The following FAM135B variants were observed in gnomAD, a reference collection of about 807,000 sequenced individuals.
FAM135B encodes the protein protein FAM135B.
FAM135B carries 43 observed loss-of-function variants against 127.7 expected under a neutral mutation model. The ratio of observed to expected loss-of-function variants is 0.34; its 90% CI spans 0.26 to 0.43. The LOEUF (loss-of-function observed/expected upper bound fraction) is 0.43, where lower values mean the gene tolerates loss of function less well. FAM135B is among the 20% of genes least tolerant of loss of function. The pLI is 1.00. For synonymous variants in FAM135B, 670 were observed against 665.1 expected, an observed-to-expected ratio of 1.01 and a Z score of -0.11; for missense variants, 1,558 against 1,725.6, an observed-to-expected ratio of 0.90 and a Z score of 1.72.
intron 15 of FAM135B, among the ~76,000 whole-genome samples, chr8:138,144,058 T>A (rs1817445104): frequency 6.6e-6 from 1 of 152,224 alleles, no homozygotes; most frequent in South Asian, 2.1e-4. Flanking sequence ...TTGCTTCCCA[T>A]CTAAACCTCA....
intron 7 of FAM135B, 45 bp from the exon 8 acceptor site, chr8:138,197,714 G>C (rs2131142374): frequency 6.3e-7 from 1 of 1,599,732 alleles, no homozygotes; most frequent in Non-Finnish European, 8.6e-7. Context: ...ATTGCACCTG[G>C]CCCAGGCAGC....
intron 3 of FAM135B, among the ~76,000 whole-genome samples, chr8:138,291,003 C>T (rs1374664124): frequency 6.6e-6 from 1 of 152,086 alleles, no homozygotes; most frequent in East Asian, 1.9e-4. Flanking sequence ...AGATGAGTGA[C>T]CAGGAGGCTC....
intron 1 of FAM135B, among the ~76,000 whole-genome samples, chr8:138,448,158 T>C (rs1228167890): frequency 6.6e-6 from 1 of 151,860 alleles, no homozygotes; most frequent in African/African-American, 2.4e-5. Flanking sequence ...TCAGAATTGT[T>C]TGGGGAAGGT....
At chr8:138,280,283 C>G (rs529398649) in intron 3 of FAM135B, among the ~76,000 whole-genome samples, 1 of 152,160 alleles carries the variant, frequency 6.6e-6, no homozygotes, top group East Asian at 1.9e-4. Flanking sequence ...AGGCTTAGCC[C>G]GTTGGCTCTA....
At chr8:138,168,616 C>T (rs998474534) in intron 11 of FAM135B, among the ~76,000 whole-genome samples, 1 of 152,082 alleles carries the variant, frequency 6.6e-6, no homozygotes, top group South Asian at 2.1e-4. Flanking sequence ...AAAAATGTCC[C>T]ATATTCTTTC....
At chr8:138,475,994 C>G (rs1814410101) in intron 1 of FAM135B, among the ~76,000 whole-genome samples, 1 of 152,058 alleles carries the variant, frequency 6.6e-6, no homozygotes, top group Admixed American at 6.5e-5. Flanking sequence ...GATAAATAAA[C>G]TATGGTACGT....
chr8:138,304,776 G>A (rs1395369867), intron 3 of FAM135B, among the ~76,000 whole-genome samples: 1 of 152,224 alleles, frequency 6.6e-6, no homozygotes, highest in African/African-American at 2.4e-5. Flanking sequence ...AGGAAGTGGG[G>A]TGGTCACCCA....
intron 7 of FAM135B, among the ~76,000 whole-genome samples, chr8:138,200,416 C>A (rs553984747): frequency 6.6e-6 from 1 of 152,262 alleles, no homozygotes; most frequent in Non-Finnish European, 1.5e-5. Context: ...CAGCACGGAG[C>A]ACATCAGACC....
chr8:138,317,110 C>T (rs1216096499), intron 2 of FAM135B, among the ~76,000 whole-genome samples: 4 of 152,072 alleles, frequency 2.6e-5, no homozygotes, highest in Non-Finnish European at 5.9e-5. Context: ...GCTTTATCCA[C>T]AATACTAAAA....
intron 2 of FAM135B, among the ~76,000 whole-genome samples, chr8:138,343,497 G>A (rs1260648016): frequency 6.6e-6 from 1 of 152,186 alleles, no homozygotes; most frequent in African/African-American, 2.4e-5. Flanking sequence ...ATGGATGGCT[G>A]AACTGAAGCT....
intron 4 of FAM135B, among the ~76,000 whole-genome samples, chr8:138,258,256 G>C (rs888761209): frequency 6.6e-6 from 1 of 151,988 alleles, no homozygotes; most frequent in Non-Finnish European, 1.5e-5. Context: ...CATCTTCCTG[G>C]GATGGAAATC....
chr8:138,182,682 G>C (rs1319539452), intron 9 of FAM135B, among the ~76,000 whole-genome samples: 1 of 152,220 alleles, frequency 6.6e-6, no homozygotes, highest in Non-Finnish European at 1.5e-5. Context: ...AAAGGTCATG[G>C]AAGGCTTCCT....
At chr8:138,348,576 C>G (rs1375867140) in intron 2 of FAM135B, among the ~76,000 whole-genome samples, 5 of 152,210 alleles carry the variant, frequency 3.3e-5, no homozygotes, top group Non-Finnish European at 5.9e-5. Flanking sequence ...TTCCTAGACT[C>G]CCAACTATAT....
At chr8:138,316,810 C>G (rs1467486727) in intron 2 of FAM135B, among the ~76,000 whole-genome samples, 2 of 151,950 alleles carry the variant, frequency 1.3e-5, no homozygotes, top group Non-Finnish European at 2.9e-5. Context: ...GAAACCCCGT[C>G]TCTACTAAAA....
chr8:138,245,712 A>G (rs1268156621), intron 6 of FAM135B, among the ~76,000 whole-genome samples: 16 of 152,202 alleles, frequency 1.1e-4, no homozygotes, highest in African/African-American at 3.4e-4. Context: ...GGGTGTTGCT[A>G]TAAGGACACC....
chr8:138,314,090 G>A (rs1826895967), intron 2 of FAM135B, among the ~76,000 whole-genome samples: 1 of 152,140 alleles, frequency 6.6e-6, no homozygotes, highest in Non-Finnish European at 1.5e-5. Context: ...ATGCTGTGAT[G>A]TGCCCCATGG....
intron 3 of FAM135B, among the ~76,000 whole-genome samples, chr8:138,284,777 T>C (rs1258497779): frequency 6.6e-6 from 1 of 152,026 alleles, no homozygotes; most frequent in Non-Finnish European, 1.5e-5. Flanking sequence ...TAGTGGTGTG[T>C]CTGTGCAACT....
chr8:138,152,844 T>C lies in FAM135B; in HGVS notation c.1631A>G (p.Glu544Gly), dbSNP rs764191800. ...VDTSRRSPGPEDGQAPVLTYI... is the reference protein window; with the variant it reads ...VDTSRRSPGPGDGQAPVLTYI... ...GGTCAGCACTGGGGCCTGTCCATCC[T>C]CTGGACCTGGACTCCTTCTAGAAGT... is the stretch of plus-strand genomic sequence containing the variant. The change falls in exon 13 of 20, where the codon GAG becomes GGG. Residue 544 changes from glutamate (E) to glycine (G), a missense_variant. Physicochemically the swap from Glu to Gly is moderately conservative, Grantham distance 98. Transcript: ENST00000395297. The C allele has an allele frequency of 2.5e-6, 4 of 1,614,206 alleles. No individual in the cohort carries two copies. Among genetic ancestry groups the C allele is most frequent in the Non-Finnish European group, 3.4e-6 (4 of 1,180,022 alleles).
intron 1 of FAM135B, among the ~76,000 whole-genome samples, chr8:138,372,831 C>T (rs970329704): frequency 6.6e-6 from 1 of 152,120 alleles, no homozygotes; most frequent in African/African-American, 2.4e-5. Context: ...TACTGACCTG[C>T]CCTGTGCTGG....
Sources: gnomAD v4.1 joint callset for allele counts (sites outside exome capture counted in the v4.1 genomes callset) on GRCh38, gnomAD v4.1.1 for gene constraint, MANE v1.5 for transcripts, NCBI Gene and HGNC (gene_info 2026-07-23, HGNC 2026-07-21) for gene names.